Variants in HCRTR2 observed in about 807,000 individuals in gnomAD.
HCRTR2 encodes hypocretin receptor 2, also known as orexin receptor type 2.
In HCRTR2, 22 loss-of-function variants were observed where a neutral mutation model predicts 49.0. The observed-to-expected ratio is 0.45, with a 90% CI of 0.32 to 0.64. The LOEUF (loss-of-function observed/expected upper bound fraction) is 0.64. Among genes scored for constraint, HCRTR2 ranks in the 30% least tolerant of loss-of-function variants. The pLI, the probability that HCRTR2 is intolerant of heterozygous loss-of-function variation, is 0.04. For missense variants in HCRTR2, 491 were observed against 559.4 expected (o/e 0.88, Z 1.23); for synonymous variants, 236 against 205.3 (o/e 1.15, Z -1.28).
intron 1 of HCRTR2, among the ~76,000 whole-genome samples, chr6:55,133,662 CATCTATCTATCTATCT>C (rs5876428): frequency 7.5e-4 from 111 of 148,782 alleles, no homozygotes; most frequent in African/African-American, 2.1e-3. Context: ...ATCTATCTAT[CATCTATCTATCTATCT>C]ATCTATCTAT....
intron 1 of HCRTR2, among the ~76,000 whole-genome samples, chr6:55,154,633 C>T (rs1027394100): frequency 2.0e-5 from 3 of 151,478 alleles, no homozygotes; most frequent in African/African-American, 7.3e-5. Flanking sequence ...ATTCTTGCTT[C>T]TATTCAGCAT....
At chr6:55,263,536 T>C (rs1235419394) in intron 3 of HCRTR2, among the ~76,000 whole-genome samples, 171 bp from the exon 4 acceptor site, 1 of 152,130 alleles carries the variant, frequency 6.6e-6, no homozygotes, top group Non-Finnish European at 1.5e-5. Flanking sequence ...ATATACTGAG[T>C]AAAATAAGTT....
chr6:55,255,102 G>T (rs200071142), intron 2 of HCRTR2, 34 bp from the exon 3 acceptor site: 45 of 1,611,554 alleles, frequency 2.8e-5, no homozygotes, highest in Non-Finnish European at 3.7e-5. Context: ...AACAGCTGGT[G>T]CTTCTCTATT....
intron 1 of HCRTR2, among the ~76,000 whole-genome samples, chr6:55,110,885 A>G (rs1208126085): frequency 6.6e-6 from 1 of 152,106 alleles, no homozygotes; most frequent in Non-Finnish European, 1.5e-5. Context: ...CTTAACAGAC[A>G]TTTACAGAAC....
chr6:55,164,074 A>G (rs1764843245), intron 1 of HCRTR2, among the ~76,000 whole-genome samples: 1 of 152,186 alleles, frequency 6.6e-6, no homozygotes, highest in Admixed American at 6.5e-5. Context: ...CCACAGTGAG[A>G]TACCATCTCA....
chr6:55,129,879 C>A (rs1423322510), intron 1 of HCRTR2, among the ~76,000 whole-genome samples: 1 of 151,978 alleles, frequency 6.6e-6, no homozygotes, highest in Non-Finnish European at 1.5e-5. Flanking sequence ...AGAATAAGTT[C>A]TCTTTTACTT....
At chr6:55,109,886 T>C (rs1764026238) in intron 1 of HCRTR2, among the ~76,000 whole-genome samples, 1 of 152,100 alleles carries the variant, frequency 6.6e-6, no homozygotes, top group African/African-American at 2.4e-5. Flanking sequence ...GGGAAATTCA[T>C]TACAAAAGGA....
chr6:55,233,560 G>A (rs925824233), intron 1 of HCRTR2, among the ~76,000 whole-genome samples: 6 of 152,274 alleles, frequency 3.9e-5, no homozygotes, highest in Middle Eastern at 6.8e-3. Flanking sequence ...AGCCAGGCAT[G>A]GTGGTGCACA....
rs545293393 is a variant in HCRTR2, at chr6:55,260,282, G to A, written c.647-3425G>A. On this transcript the variant is annotated intron_variant, in intron 3 of 6. Coordinates refer to ENST00000370862, the MANE Select transcript of HCRTR2 (RefSeq NM_001384272.1). ...CAAAGTTATATAGATTTTGTCATGA[G>A]GAAAGCTCATGTGACACCTCTTCAA... is the stretch of plus-strand genomic sequence containing the variant. Among the ~76,000 whole-genome samples, 35 of 152,228 alleles carry A rather than the reference G, an allele frequency of 2.3e-4. 1 individual carries two copies. In the South Asian group the frequency reaches 4.8e-3, roughly 21 times the overall value.
intron 4 of HCRTR2, among the ~76,000 whole-genome samples, chr6:55,271,630 A>G (rs1403358233): frequency 6.6e-6 from 1 of 152,124 alleles, no homozygotes; most frequent in East Asian, 1.9e-4. Context: ...TGCAAATCAT[A>G]TATGTGTTAA....
chr6:55,235,383 A>T lies in HCRTR2; in HGVS notation c.224-13256A>T, dbSNP rs73438803. ...AACAGCAGTGGCAACAACAAAGCCCATTAACCACAAGAAATAATCATGTAA... is the reference window on the plus strand; with the variant it reads ...AACAGCAGTGGCAACAACAAAGCCCTTTAACCACAAGAAATAATCATGTAA... On this transcript the variant is annotated intron_variant, in intron 1 of 6. Transcript: ENST00000370862. 2.0e-5 allele frequency among the ~76,000 whole-genome samples: 3 copies of T among 152,286 alleles called. No individual in the cohort carries two copies. The South Asian group carries it at 6.2e-4, about 32-fold the overall frequency.
chr6:55,191,525 G>T (rs1765314943), intron 1 of HCRTR2, among the ~76,000 whole-genome samples: 1 of 152,096 alleles, frequency 6.6e-6, no homozygotes. Flanking sequence ...ATTTAAAGGT[G>T]TTTCACTATA....
chr6:55,146,579 T>TAA (rs10684393), intron 1 of HCRTR2, among the ~76,000 whole-genome samples: 58,918 of 142,058 alleles, frequency 0.41, 14,793 homozygotes, highest in Non-Finnish European at 0.58. Flanking sequence ...AAAGGTTAGT[T>TAA]AAAAAAAAAA....
chr6:55,166,995 GA>G (rs1372710344), intron 1 of HCRTR2, among the ~76,000 whole-genome samples: 2 of 152,056 alleles, frequency 1.3e-5, no homozygotes, highest in Non-Finnish European at 2.9e-5. Context: ...ATCCACTGAA[GA>G]AGAAACTTGA....
At chr6:55,256,214 T>A (rs759877613) in intron 3 of HCRTR2, among the ~76,000 whole-genome samples, 10 of 151,442 alleles carry the variant, frequency 6.6e-5, no homozygotes, top group Non-Finnish European at 1.3e-4. Flanking sequence ...AATATATATT[T>A]AAAAAAAAAC....
At chr6:55,138,383 A>G (rs1764460007) in intron 1 of HCRTR2, among the ~76,000 whole-genome samples, 1 of 152,190 alleles carries the variant, frequency 6.6e-6, no homozygotes, top group Admixed American at 6.5e-5. Flanking sequence ...TTAACTGCTA[A>G]GGTGAACTTG....
intron 1 of HCRTR2, among the ~76,000 whole-genome samples, chr6:55,153,492 A>T (rs1466916661): frequency 6.6e-6 from 1 of 152,052 alleles, no homozygotes; most frequent in African/African-American, 2.4e-5. Context: ...TACAGTAAAA[A>T]TATTGCATCA....
intron 1 of HCRTR2, among the ~76,000 whole-genome samples, chr6:55,236,322 G>GTATA (rs1581847054): frequency 6.6e-6 from 1 of 151,478 alleles, no homozygotes; most frequent in East Asian, 1.9e-4. Flanking sequence ...AATTGATTTT[G>GTATA]CATATATACA....
chr6:55,260,063 A>G (rs1415306080), intron 3 of HCRTR2, among the ~76,000 whole-genome samples: 6 of 152,174 alleles, frequency 3.9e-5, no homozygotes, highest in African/African-American at 1.4e-4. Context: ...AGTCAATTAC[A>G]TATTTTTTCT....
Sources: allele counts gnomAD v4.1 joint callset (sites outside exome capture counted in the v4.1 genomes callset), GRCh38; gene constraint gnomAD v4.1.1; transcripts MANE v1.5; gene names NCBI Gene and HGNC (gene_info 2026-07-23, HGNC 2026-07-21).